The following LIPN variants were observed in gnomAD, a reference collection of about 807,000 sequenced individuals.
LIPN encodes the protein lipase member N.
A neutral mutation model predicts 43.7 loss-of-function variants in LIPN; 32 were observed. That is an observed-to-expected ratio of 0.73 (90% confidence interval 0.55 to 0.98). LIPN has a LOEUF of 0.98. Among genes scored for constraint, LIPN ranks in the 50% least tolerant of loss-of-function variants. LIPN has a pLI of 0.00. For missense variants in LIPN, 505 were observed against 483.8 expected, an observed-to-expected ratio of 1.04 and a Z score of -0.41; for synonymous variants, 156 against 157.6, an observed-to-expected ratio of 0.99 and a Z score of 0.08.
In LIPN at chr10:88,778,039, A is replaced by C. The variant is rs750970220; in HGVS notation, c.994A>C (p.Met332Leu). 6.2e-7 allele frequency: 1 copy of C among 1,613,266 alleles called. No individual in the cohort carries two copies. The highest frequency in any genetic ancestry group is 1.3e-5 in the African/African-American group (1 of 74,884). Residue 332 changes from methionine to leucine, a missense_variant, in exon 10 of 10, where the codon ATG becomes CTG. By Grantham distance (15) the Met-to-Leu change is conservative. Coordinates refer to ENST00000404459, the MANE Select transcript of LIPN (RefSeq NM_001102469.2). Reference sequence around the variant, plus strand: ...TCCCCCTATATATGACCTGACTGCCATGAAAGTGCCTACTGCTATTTGGGC... The same window carrying C: ...TCCCCCTATATATGACCTGACTGCCCTGAAAGTGCCTACTGCTATTTGGGC... Reference protein sequence around the residue: ...SHPPIYDLTAMKVPTAIWAGG... With the variant: ...SHPPIYDLTALKVPTAIWAGG...
intron 4 of LIPN, 110 bp from the exon 5 acceptor site, chr10:88,766,159 A>G (rs1843092514): frequency 1.5e-6 from 1 of 661,160 alleles, no homozygotes. Context: ...ATACACATTG[A>G]ATCTAAGTAA....
rs770586522 is a variant in LIPN, at chr10:88,778,625, G to T, written c.*383G>T. 6.6e-6 allele frequency among the ~76,000 whole-genome samples: 1 copy of T among 152,142 alleles called. No individual in the cohort carries two copies. The highest frequency in any genetic ancestry group is 2.4e-5 in the African/African-American group (1 of 41,436). On this transcript the variant is annotated 3_prime_UTR_variant, in exon 10 of 10. Coordinates refer to ENST00000404459, the MANE Select transcript of LIPN (RefSeq NM_001102469.2). ...TGTTGTCATTTTATTTATATGGATT[G>T]CTATGGCAATGGACAGAGTGTGGGA...
intron 6 of LIPN, among the ~76,000 whole-genome samples, chr10:88,770,429 A>C (rs1843185237): frequency 7.0e-6 from 1 of 143,678 alleles, no homozygotes; most frequent in African/African-American, 2.6e-5. Context: ...CCAATTAATG[A>C]GAAAAAAATA....
intron 9 of LIPN, among the ~76,000 whole-genome samples, chr10:88,775,525 A>G (rs1424018603): frequency 2.6e-5 from 4 of 151,992 alleles, no homozygotes; most frequent in Non-Finnish European, 5.9e-5. Flanking sequence ...TTTTAAATGC[A>G]TTTTTAATGG....
chr10:88,764,563 G>C lies in LIPN; in HGVS notation c.380G>C (p.Arg127Thr), dbSNP rs1277152865. Residue 127 changes from arginine (R) to threonine (T), a missense_variant, in exon 4 of 10, where the codon AGA becomes ACA. Coordinates refer to ENST00000404459, the MANE Select transcript of LIPN (RefSeq NM_001102469.2). ...GNSRGNTWSRRHKTLSETDEK... is the reference protein window; with the variant it reads ...GNSRGNTWSRTHKTLSETDEK... ...AGTCGGGGAAACACTTGGTCAAGAA[G>C]ACACAAAACACTCTCAGAGACAGAT... 1.2e-6 allele frequency: 2 copies of C among 1,611,522 alleles called. No homozygotes were observed. The highest frequency in any genetic ancestry group is 1.7e-6 in the Non-Finnish European group (2 of 1,178,648).
chr10:88,760,406 C>A (rs975615832), intron 1 of LIPN, among the ~76,000 whole-genome samples: 3 of 152,052 alleles, frequency 2.0e-5, no homozygotes, highest in Non-Finnish European at 4.4e-5. Flanking sequence ...TAGTTTCATA[C>A]AATTTGAAAA....
rs60861050 is a variant in LIPN, at chr10:88,768,015, T to TAC, written c.536-731_536-730dup. ...TTTAATGTTCCAACAAGTGTTTCAG[T>TAC]ACACACACACACACACACACACACA... On this transcript the variant is annotated intron_variant, in intron 5 of 9. Transcript: ENST00000404459. 4.1e-3 allele frequency among the ~76,000 whole-genome samples: 578 copies of TAC among 141,038 alleles called. 3 individuals carry two copies. The highest frequency in any genetic ancestry group is 0.01 in the East Asian group (46 of 4,552). 92.5% of individuals were successfully genotyped at this position (141,038 alleles called of 152,430 possible). A position where few individuals can be genotyped will look rare whatever the true frequency, so the allele number is the denominator to read the frequency against.
At chr10:88,773,169 C>A (rs528035449) in intron 7 of LIPN, among the ~76,000 whole-genome samples, 128 of 151,662 alleles carry the variant, frequency 8.4e-4, no homozygotes, top group Non-Finnish European at 1.4e-3. Context: ...TTAAGTGGAA[C>A]CATGAAGGTA....
upstream of LIPN, among the ~76,000 whole-genome samples, chr10:88,758,767 G>A (rs774058069): frequency 9.9e-5 from 15 of 151,860 alleles, 1 homozygote; most frequent in South Asian, 2.1e-4. Context: ...CAAATAACTC[G>A]AAGTTGAGGA....
Position 88,773,430 on chromosome 10 carries a change from C to T in LIPN, c.820-1043C>T, listed in dbSNP as rs118107377. Among the ~76,000 whole-genome samples the T allele has an allele frequency of 1.3e-4, 20 of 151,934 alleles. No individual in the cohort carries two copies. In the South Asian group the frequency reaches 1.9e-3, roughly 14 times the overall value. ...AAGGAGAGAAGCACATATAAACCTGCGTCTTATTTCATGTGTTCCTTTCTT... is the reference window on the plus strand; with the variant it reads ...AAGGAGAGAAGCACATATAAACCTGTGTCTTATTTCATGTGTTCCTTTCTT... On this transcript the variant is annotated intron_variant, in intron 7 of 9. Coordinates refer to ENST00000404459, the MANE Select transcript of LIPN (RefSeq NM_001102469.2).
At chr10:88,762,074 G>C in intron 2 of LIPN, 114 bp from the exon 3 acceptor site, 1 of 512,930 alleles carries the variant, frequency 1.9e-6, no homozygotes, top group Admixed American at 3.3e-5. Flanking sequence ...CAGTTACCTG[G>C]TGCTACAAAT....
At chr10:88,776,849 T>C (rs1392103502) in intron 9 of LIPN, among the ~76,000 whole-genome samples, 1 of 152,068 alleles carries the variant, frequency 6.6e-6, no homozygotes, top group African/African-American at 2.4e-5. Flanking sequence ...CAGAAAATGA[T>C]GGTCCTCTTA....
intron 9 of LIPN, among the ~76,000 whole-genome samples, chr10:88,776,772 A>C (rs1843302851): frequency 6.6e-6 from 1 of 152,132 alleles, no homozygotes; most frequent in South Asian, 2.1e-4. Flanking sequence ...TGCATTAATG[A>C]AATTTCTTAA....
At chr10:88,761,621 T>C in intron 2 of LIPN, 108 bp downstream of exon 2, 1 of 739,018 alleles carries the variant, frequency 1.4e-6, no homozygotes, top group Admixed American at 2.6e-5. Flanking sequence ...ACAGATAAAA[T>C]GTAGATGGTT....
intron 6 of LIPN, among the ~76,000 whole-genome samples, chr10:88,770,211 A>G (rs1350340934): frequency 1.3e-5 from 2 of 151,784 alleles, no homozygotes; most frequent in Non-Finnish European, 2.9e-5. Context: ...GGAAGTTTCA[A>G]TTGTGCTGCC....
chr10:88,760,941 A>G (rs886152959), intron 1 of LIPN, among the ~76,000 whole-genome samples: 7 of 152,150 alleles, frequency 4.6e-5, no homozygotes, highest in African/African-American at 1.7e-4. Context: ...ATCACTAGAA[A>G]CTAATCATAA....
rs1843155427 is a variant in LIPN at position 88,768,826 on chromosome 10, A to G, written c.570A>G (p.Ala190=). 1 of 1,611,482 alleles carries G rather than the reference A, an allele frequency of 6.2e-7. No individual in the cohort carries two copies. The highest frequency in any genetic ancestry group is 8.5e-7 in the Non-Finnish European group (1 of 1,178,518). The stretch of plus-strand genomic sequence containing the variant: ...CCTTTTCCACCATGCCTGAACTGGC[A>G]CAAAGAATCAAAATGAATTTTGCCT... ...FVAFSTMPEL[A]QRIKMNFALG... The change falls in exon 6 of 10, where the codon GCA becomes GCG. Residue 190 remains alanine, a synonymous_variant. Transcript: ENST00000404459.
At chr10:88,766,674 A>G (rs1843106280) in intron 5 of LIPN, among the ~76,000 whole-genome samples, 1 of 151,976 alleles carries the variant, frequency 6.6e-6, no homozygotes, top group African/African-American at 2.4e-5. Context: ...CCACAGAGTA[A>G]GTTTCTAGAT....
At chr10:88,771,144 A>G (rs1209026611) in intron 7 of LIPN, among the ~76,000 whole-genome samples, 153 bp downstream of exon 7, 2 of 151,844 alleles carry the variant, frequency 1.3e-5, no homozygotes, top group African/African-American at 4.8e-5. Context: ...GTTTATGGGT[A>G]TATAATAGTT....
Sources: allele counts gnomAD v4.1 joint callset (sites outside exome capture counted in the v4.1 genomes callset), GRCh38; gene constraint gnomAD v4.1.1; transcripts MANE v1.5; gene names NCBI Gene and HGNC (gene_info 2026-07-23, HGNC 2026-07-21).